PSG2: variants seen among roughly 807,000 people sequenced by gnomAD.
The protein encoded by PSG2 is pregnancy specific beta-1-glycoprotein 2.
A neutral mutation model predicts 36.2 loss-of-function variants in PSG2; 49 were observed. The observed-to-expected ratio is 1.35, with a 90% confidence interval of 1.08 to 1.72. The LOEUF (loss-of-function observed/expected upper bound fraction) is 1.72. Ranked by LOEUF, PSG2 falls within the 40% of genes most tolerant of loss-of-function variation. The probability of loss-of-function intolerance (pLI) is 0.00; values close to 1 mark genes in which losing one functional copy is unlikely to be tolerated. For synonymous variants in PSG2, 261 were observed against 155.6 expected, an observed-to-expected ratio of 1.68 and a Z score of -5.04; for missense variants, 605 against 407.2, an observed-to-expected ratio of 1.49 and a Z score of -4.18.
rs1199424663 is a variant in PSG2, at chr19:43,064,489, A to C, written c.*153T>G. On this transcript the variant is annotated 3_prime_UTR_variant, in exon 6 of 6. Transcript: ENST00000406487. ...TTCTTCTTTGTCTTGAATTTCATGA[A>C]GGTATCAGCCTGTTCATTAAAATTT... The C allele has an allele frequency of 1.2e-5, 6 of 491,232 alleles. No individual in the cohort carries two copies. The highest frequency in any genetic ancestry group is 2.0e-5 in the African/African-American group (1 of 48,970). 30.4% of individuals were successfully genotyped at this position (491,232 alleles called of 1,614,324 possible).
chr19:43,072,295 C>T, intron 3 of PSG2: 4 of 1,601,678 alleles, frequency 2.5e-6, no homozygotes, highest in South Asian at 1.1e-5. Flanking sequence ...AGAGGCCTGG[C>T]CCCTGGTCAT....
At chr19:43,067,198 T>C (rs747262834) in intron 4 of PSG2, among the ~76,000 whole-genome samples, 5 of 151,470 alleles carry the variant, frequency 3.3e-5, no homozygotes, top group Non-Finnish European at 5.9e-5. Flanking sequence ...TTCTTTCTCT[T>C]TGTTTTTCAT....
chr19:43,069,793 G>T (rs1407407968), intron 4 of PSG2, among the ~76,000 whole-genome samples: 1 of 151,612 alleles, frequency 6.6e-6, no homozygotes, highest in African/African-American at 2.4e-5. Flanking sequence ...ATGATTTCCT[G>T]GTTGTAACAA....
At chr19:43,077,520 G>A (rs572381456) in intron 2 of PSG2, among the ~76,000 whole-genome samples, 1 of 151,776 alleles carries the variant, frequency 6.6e-6, no homozygotes, top group Admixed American at 6.6e-5. Context: ...GAAATAGGAA[G>A]ATTCTAAGTG....
intron 4 of PSG2, among the ~76,000 whole-genome samples, chr19:43,067,342 T>C (rs2122894164): frequency 6.6e-6 from 1 of 151,520 alleles, no homozygotes; most frequent in East Asian, 1.9e-4. Flanking sequence ...TCTCAGTTGG[T>C]AAATACTAAC....
intron 1 of PSG2, 98 bp from the exon 2 acceptor site, chr19:43,081,344 C>G (rs1967971417): frequency 7.7e-7 from 1 of 1,306,636 alleles, no homozygotes; most frequent in Non-Finnish European, 1.0e-6. Context: ...AATCCTCAGC[C>G]TTGAAGACAC....
At chr19:43,066,448 G>C in intron 5 of PSG2, 69 bp downstream of exon 5, 2 of 1,156,940 alleles carry the variant, frequency 1.7e-6, no homozygotes, top group South Asian at 1.2e-5. Flanking sequence ...AGGCAAATAA[G>C]TCTTTTCCCT....
At chr19:43,069,696 T>G (rs1254594774) in intron 4 of PSG2, among the ~76,000 whole-genome samples, 2 of 151,600 alleles carry the variant, frequency 1.3e-5, no homozygotes, top group African/African-American at 4.9e-5. Context: ...TGTACAAAAA[T>G]CAACCCATAA....
In PSG2 at chr19:43,073,018, C is replaced by G. The variant is rs560265446; in HGVS notation, c.710-1064G>C. Among the ~76,000 whole-genome samples, 176 of 151,766 alleles carry G rather than the reference C, an allele frequency of 1.2e-3. 7 individuals are homozygous for G. Among genetic ancestry groups the G allele is most frequent in the Admixed American group, 3.0e-3 (46 of 15,238 alleles). ...TCCAAATTCCATCCTACTTTGCCCCCCTAGATGTGATTTCTCTGCAGCTTC... is the reference window on the plus strand; with the variant it reads ...TCCAAATTCCATCCTACTTTGCCCCGCTAGATGTGATTTCTCTGCAGCTTC... On this transcript the variant is annotated intron_variant, in intron 3 of 5. Transcript: ENST00000406487.
At chr19:43,076,391 A>C (rs978412998) in intron 2 of PSG2, among the ~76,000 whole-genome samples, 1 of 151,778 alleles carries the variant, frequency 6.6e-6, no homozygotes, top group Non-Finnish European at 1.5e-5. Context: ...CCCCCTGTAG[A>C]GGGCAGGTGA....
At chr19:43,065,094 C>T (rs774840931) in intron 5 of PSG2, among the ~76,000 whole-genome samples, 3 of 151,738 alleles carry the variant, frequency 2.0e-5, no homozygotes, top group Non-Finnish European at 4.4e-5. Flanking sequence ...CTCGGCCTCC[C>T]AAACTCCTGG....
At chr19:43,072,299 T>A in intron 3 of PSG2, 2 of 1,604,318 alleles carry the variant, frequency 1.2e-6, no homozygotes, top group Non-Finnish European at 1.7e-6. Flanking sequence ...GCCTGGCCCC[T>A]GGTCATTTGG....
intron 3 of PSG2, among the ~76,000 whole-genome samples, chr19:43,074,187 G>T (rs765649668): frequency 5.3e-4 from 80 of 151,644 alleles, no homozygotes; most frequent in Non-Finnish European, 9.1e-4. Flanking sequence ...ATTAATAAGA[G>T]CCTGTCAGGT....
At chr19:43,078,657 T>G (rs1967930357) in intron 2 of PSG2, among the ~76,000 whole-genome samples, 2 of 151,626 alleles carry the variant, frequency 1.3e-5, no homozygotes, top group African/African-American at 4.9e-5. Flanking sequence ...CCCCTGAAAC[T>G]ATCCTTGAAA....
At chr19:43,074,626 G>T (rs1003591374) in intron 3 of PSG2, among the ~76,000 whole-genome samples, 1 of 151,634 alleles carries the variant, frequency 6.6e-6, no homozygotes, top group African/African-American at 2.4e-5. Flanking sequence ...TTTGCAGAGG[G>T]CAGGTGGCTC....
chr19:43,064,575 C>T lies in PSG2; in HGVS notation c.*67G>A, dbSNP rs1433164034. On this transcript the variant is annotated 3_prime_UTR_variant, in exon 6 of 6. Transcript: ENST00000406487. ...TATCAGGAGCTTGTATTCAAGAGTC[C>T]TTGTAAGAGACCTTTCCATAAATCT... 4.4e-6 allele frequency: 3 copies of T among 674,490 alleles called. No homozygotes were observed. The highest frequency in any genetic ancestry group is 5.6e-6 in the Non-Finnish European group (2 of 359,930). 41.8% of individuals were successfully genotyped at this position (674,490 alleles called of 1,614,324 possible). A position where few individuals can be genotyped will look rare whatever the true frequency, so the allele number is the denominator to read the frequency against.
intron 4 of PSG2, among the ~76,000 whole-genome samples, chr19:43,067,844 G>A (rs894898712): frequency 6.6e-6 from 1 of 151,312 alleles, no homozygotes; most frequent in African/African-American, 2.5e-5. Flanking sequence ...GAGAAGTTGA[G>A]TCTTGTGCAA....
intron 4 of PSG2, among the ~76,000 whole-genome samples, chr19:43,067,781 G>T (rs1967761363): frequency 6.6e-6 from 1 of 151,302 alleles, no homozygotes; most frequent in Non-Finnish European, 1.5e-5. Flanking sequence ...TTAAAAGAAT[G>T]GTATGAAGAA....
At position 43,080,996 on chromosome 19, in the gene PSG2, T is replaced by C; in HGVS notation, c.315A>G (p.Ala105=). The C allele has an allele frequency of 1.9e-6, 3 of 1,613,120 alleles. No individual in the cohort carries two copies. Among genetic ancestry groups the C allele is most frequent in the Non-Finnish European group, 2.5e-6 (3 of 1,179,694 alleles). Residue 105 remains alanine (A), a synonymous_variant, in exon 2 of 6, where the codon GCA becomes GCG. Transcript: ENST00000406487. ...YSGRETAYSN[A]SLLIQNVTRE... ...GGGTGACATTCTGGATCAGCAGGGA[T>C]GCATTGGAATATGCTGTTTCTCGTC...
Sources: allele counts gnomAD v4.1 joint callset (sites outside exome capture counted in the v4.1 genomes callset), GRCh38; gene constraint gnomAD v4.1.1; transcripts MANE v1.5; gene names NCBI Gene and HGNC (gene_info 2026-07-23, HGNC 2026-07-21).